TP63: variants seen among roughly 807,000 people sequenced by gnomAD.
The protein encoded by TP63 is tumor protein 63.
Under a neutral mutation model 82.8 loss-of-function variants are expected in TP63, and 17 were observed. The ratio of observed to expected loss-of-function variants is 0.21; its 90% CI spans 0.14 to 0.31. The LOEUF (loss-of-function observed/expected upper bound fraction) is 0.31, where lower values mean the gene tolerates loss of function less well. Among genes scored for constraint, TP63 ranks in the 10% least tolerant of loss-of-function variants. The pLI is 1.00. For missense variants in TP63, 648 were observed against 895.3 expected (o/e 0.72, Z 3.52); for synonymous variants, 330 against 321.7 (o/e 1.03, Z -0.28).
intron 10 of TP63, among the ~76,000 whole-genome samples, chr3:189,878,014 C>A (rs969353498): frequency 6.6e-6 from 1 of 151,996 alleles, no homozygotes; most frequent in African/African-American, 2.4e-5. Flanking sequence ...CTGTGCCTGG[C>A]ACGTTTTTCT....
intron 1 of TP63, among the ~76,000 whole-genome samples, chr3:189,658,203 T>C (rs186398096): frequency 6.6e-6 from 1 of 152,178 alleles, no homozygotes; most frequent in East Asian, 1.9e-4. Flanking sequence ...ACAAAATTAA[T>C]AAAGTAGTAT....
intron 1 of TP63, among the ~76,000 whole-genome samples, chr3:189,685,843 C>A (rs571500771): frequency 6.6e-6 from 1 of 152,086 alleles, no homozygotes; most frequent in Non-Finnish European, 1.5e-5. Flanking sequence ...CTTCTTAAAA[C>A]AACAACTCCG....
chr3:189,804,182 A>G (rs1412307897), intron 3 of TP63, among the ~76,000 whole-genome samples: 1 of 152,238 alleles, frequency 6.6e-6, no homozygotes, highest in Admixed American at 6.5e-5. Context: ...TGTCATTGTC[A>G]GTAAGCATTG....
At chr3:189,722,550 C>T (rs1047695654) in intron 1 of TP63, among the ~76,000 whole-genome samples, 17 of 152,106 alleles carry the variant, frequency 1.1e-4, no homozygotes, top group African/African-American at 3.9e-4. Context: ...AGCCAGTGAA[C>T]GCATTGGGCC....
intron 1 of TP63, among the ~76,000 whole-genome samples, chr3:189,641,577 A>G (rs1711876227): frequency 6.6e-6 from 1 of 152,156 alleles, no homozygotes; most frequent in African/African-American, 2.4e-5. Context: ...CTTATTCATT[A>G]ATAAATAATC....
At chr3:189,723,985 T>C (rs1719582244) in intron 1 of TP63, among the ~76,000 whole-genome samples, 1 of 150,242 alleles carries the variant, frequency 6.7e-6, no homozygotes, top group South Asian at 2.1e-4. Flanking sequence ...TGCAAGTACT[T>C]TTTTGTTTTT....
intron 1 of TP63, among the ~76,000 whole-genome samples, chr3:189,720,541 C>A (rs1379305648): frequency 1.3e-5 from 2 of 151,848 alleles, no homozygotes; most frequent in East Asian, 3.9e-4. Context: ...TCAAGACCAG[C>A]CTGGTCAACA....
rs571496039 is a variant in TP63, at chr3:189,696,100, G to T, written c.63-41640G>T. Among the ~76,000 whole-genome samples, 12 of 152,088 alleles carry T rather than the reference G, an allele frequency of 7.9e-5. No homozygotes were observed. In the East Asian group the frequency reaches 2.3e-3, roughly 29 times the overall value. On this transcript the variant is annotated intron_variant, in intron 1 of 13. Coordinates refer to ENST00000264731, the MANE Select transcript of TP63 (RefSeq NM_003722.5). Reference sequence around the variant, plus strand: ...TAAGGTTCATTACTTGTGCTATAAAGTTCTATGGGTCTTGATAAACCCATA... The same window carrying T: ...TAAGGTTCATTACTTGTGCTATAAATTTCTATGGGTCTTGATAAACCCATA...
intron 4 of TP63, among the ~76,000 whole-genome samples, chr3:189,862,620 T>C (rs1676778487): frequency 6.6e-6 from 1 of 152,218 alleles, no homozygotes; most frequent in Admixed American, 6.5e-5. Context: ...AAATTCATGG[T>C]TAGATTATGC....
At chr3:189,726,090 T>G (rs912862490) in intron 1 of TP63, among the ~76,000 whole-genome samples, 4 of 152,116 alleles carry the variant, frequency 2.6e-5, no homozygotes, top group African/African-American at 9.7e-5. Flanking sequence ...TCATCATTGC[T>G]AGTGAATGTT....
chr3:189,844,508 A>T, intron 4 of TP63: 2 of 182,574 alleles, frequency 1.1e-5, no homozygotes, highest in Non-Finnish European at 2.4e-5. Flanking sequence ...CTGGTCTCAA[A>T]CTCCTGACCT....
chr3:189,599,571 A>T, the TP63 span, among the ~76,000 whole-genome samples: 2 of 152,242 alleles, frequency 1.3e-5, no homozygotes, highest in Non-Finnish European at 2.9e-5. Flanking sequence ...AATCAGCAAC[A>T]GGATAGTAGC....
chr3:189,613,958 A>G, the TP63 span, among the ~76,000 whole-genome samples: 135 of 152,300 alleles, frequency 8.9e-4, no homozygotes, highest in Admixed American at 2.4e-3. Flanking sequence ...TTTTGATTCT[A>G]CAGGCTCATA....
intron 1 of TP63, among the ~76,000 whole-genome samples, chr3:189,669,991 A>C (rs901677623): frequency 6.6e-5 from 10 of 151,998 alleles, no homozygotes; most frequent in Non-Finnish European, 8.8e-5. Flanking sequence ...TTGAATTAAC[A>C]AAAAAGGGGC....
At chr3:189,643,279 G>A (rs2108622326) in intron 1 of TP63, among the ~76,000 whole-genome samples, 1 of 152,198 alleles carries the variant, frequency 6.6e-6, no homozygotes, top group Admixed American at 6.5e-5. Flanking sequence ...GAGACTACAG[G>A]CGTGAGCCAC....
At chr3:189,860,738 T>C (rs188288605) in intron 4 of TP63, among the ~76,000 whole-genome samples, 8 of 152,148 alleles carry the variant, frequency 5.3e-5, no homozygotes, top group African/African-American at 1.9e-4. Context: ...AGCTGAAAAG[T>C]GATATCTGAA....
At chr3:189,639,706 C>T (rs1711645388) in intron 1 of TP63, among the ~76,000 whole-genome samples, 1 of 152,076 alleles carries the variant, frequency 6.6e-6, no homozygotes, top group African/African-American at 2.4e-5. Flanking sequence ...ACTGAGAAAG[C>T]ATTTTGAGTC....
intron 4 of TP63, among the ~76,000 whole-genome samples, chr3:189,819,807 A>C (rs1361009842): frequency 1.6e-5 from 2 of 127,148 alleles, no homozygotes; most frequent in African/African-American, 3.0e-5. Context: ...GCTGGAGTGC[A>C]GTGGTGCCAC....
chr3:189,869,793 A>T (rs1489714091), intron 9 of TP63, among the ~76,000 whole-genome samples: 1 of 151,266 alleles, frequency 6.6e-6, no homozygotes, highest in Non-Finnish European at 1.5e-5. Flanking sequence ...TTCCCAAAGG[A>T]CTCACCTTCT....
Sources: allele counts gnomAD v4.1 joint callset (sites outside exome capture counted in the v4.1 genomes callset), GRCh38; gene constraint gnomAD v4.1.1; transcripts MANE v1.5; gene names NCBI Gene and HGNC (gene_info 2026-07-23, HGNC 2026-07-21).